CMTM7: variants seen among roughly 807,000 people sequenced by gnomAD.
CMTM7 encodes the protein CKLF-like MARVEL transmembrane domain-containing protein 7.
A neutral mutation model predicts 19.3 loss-of-function variants in CMTM7; 7 were observed. That is an observed-to-expected ratio of 0.36 (90% CI 0.21 to 0.68). The LOEUF (loss-of-function observed/expected upper bound fraction) is 0.68, where lower values mean the gene tolerates loss of function less well. Ranked by LOEUF, CMTM7 falls within the 30% of genes least tolerant of loss-of-function variation. CMTM7 has a pLI of 0.60. For synonymous variants in CMTM7, 87 were observed against 99.3 expected (o/e 0.88, Z 0.74); for missense variants, 193 against 232.6 (o/e 0.83, Z 1.11).
At chr3:32,443,337 T>G (rs1295791359) in intron 2 of CMTM7, among the ~76,000 whole-genome samples, 1 of 152,010 alleles carries the variant, frequency 6.6e-6, no homozygotes, top group African/African-American at 2.4e-5. Flanking sequence ...CTCCTGGCCT[T>G]AAGCAATCCT....
chr3:32,392,741 A>G (rs1289751410), intron 1 of CMTM7, among the ~76,000 whole-genome samples: 1 of 152,076 alleles, frequency 6.6e-6, no homozygotes, highest in Non-Finnish European at 1.5e-5. Context: ...GTACTCATGT[A>G]GGGGAGCCAG....
intron 1 of CMTM7, among the ~76,000 whole-genome samples, chr3:32,399,617 G>C (rs904878163): frequency 6.6e-6 from 1 of 152,154 alleles, no homozygotes; most frequent in Admixed American, 6.5e-5. Flanking sequence ...TGTTAGCACA[G>C]AATAGCCCAG....
intron 1 of CMTM7, among the ~76,000 whole-genome samples, chr3:32,434,189 C>A (rs1471098611): frequency 6.6e-6 from 1 of 151,892 alleles, no homozygotes; most frequent in Non-Finnish European, 1.5e-5. Context: ...AGCTCCGTCT[C>A]AAAAAATAAT....
chr3:32,438,270 C>T (rs556273188), intron 1 of CMTM7, among the ~76,000 whole-genome samples: 92 of 152,308 alleles, frequency 6.0e-4, no homozygotes, highest in African/African-American at 2.1e-3. Context: ...TCTTCCACTT[C>T]ACCTTTGCTT....
rs1696794232 is a variant in CMTM7 at position 32,449,225 on chromosome 3, C to T, written c.334-229C>T. ...CAGAAGCTTCCTTTCTCTCTGTCCT[C>T]TTCCCTTCCTGCCTGCCCGGCATCA... On this transcript the variant is annotated intron_variant, in intron 2 of 4. Transcript: ENST00000334983. The surrounding 1 kb of genome is among the most constrained non-coding windows in gnomAD (Gnocchi z 4.5). Among the ~76,000 whole-genome samples the T allele has an allele frequency of 6.6e-6, 1 of 152,212 alleles. No homozygotes were observed.
At chr3:32,401,927 C>T (rs1444435393) in intron 1 of CMTM7, among the ~76,000 whole-genome samples, 1 of 152,188 alleles carries the variant, frequency 6.6e-6, no homozygotes, top group African/African-American at 2.4e-5. Context: ...GCGGAAATCG[C>T]GAGCAGAGCC....
intron 1 of CMTM7, among the ~76,000 whole-genome samples, chr3:32,409,132 G>A (rs565739945): frequency 2.1e-3 from 315 of 152,122 alleles, no homozygotes; most frequent in African/African-American, 7.3e-3. Flanking sequence ...ACGCCCGCCT[G>A]GGCCTCCCAA....
At chr3:32,442,895 G>T (rs1018585185) in intron 2 of CMTM7, among the ~76,000 whole-genome samples, 9 of 152,104 alleles carry the variant, frequency 5.9e-5, no homozygotes, top group Non-Finnish European at 1.2e-4. Context: ...ATTTCAGAAA[G>T]AAATTCCATA....
intron 1 of CMTM7, among the ~76,000 whole-genome samples, chr3:32,421,135 G>A (rs1235575945): frequency 1.3e-5 from 2 of 151,970 alleles, no homozygotes; most frequent in Admixed American, 1.3e-4. Context: ...TGCCTTGCTA[G>A]AACTGACACA....
rs1172234945 is a variant in CMTM7, at chr3:32,416,391, T to C, written c.159+24326T>C. ...TTTTTTTTTTTTTTTTTTTTTTTTT[T>C]TTTTTTGAGACGGAGTCTCGCTCTG... On this transcript the variant is annotated intron_variant, in intron 1 of 4. Transcript: ENST00000334983. Among the ~76,000 whole-genome samples, 250 of 96,258 alleles carry C rather than the reference T, an allele frequency of 2.6e-3. 2 individuals are homozygous for C. Among genetic ancestry groups the C allele is most frequent in the South Asian group, 0.012 (28 of 2,408 alleles). 63.1% of individuals were successfully genotyped at this position (96,258 alleles called of 152,430 possible). A position where few individuals can be genotyped will look rare whatever the true frequency, so the allele number is the denominator to read the frequency against.
At chr3:32,405,314 C>G (rs1026973171) in intron 1 of CMTM7, among the ~76,000 whole-genome samples, 1 of 152,206 alleles carries the variant, frequency 6.6e-6, no homozygotes, top group African/African-American at 2.4e-5. Context: ...GTCACAAAAG[C>G]CTTTTTATCC....
chr3:32,445,960 A>T (rs576743493), intron 2 of CMTM7, among the ~76,000 whole-genome samples: 1 of 152,248 alleles, frequency 6.6e-6, no homozygotes, highest in African/African-American at 2.4e-5. Flanking sequence ...TAAAAGAGAT[A>T]TTGGTCTGTA....
chr3:32,416,371 T>G (rs13097549), intron 1 of CMTM7, among the ~76,000 whole-genome samples: 1 of 57,624 alleles, frequency 1.7e-5, no homozygotes, highest in African/African-American at 6.8e-5. Context: ...ATTTTTTTTT[T>G]TTTTTTTTTT....
chr3:32,401,849 G>A (rs1020112311), intron 1 of CMTM7, among the ~76,000 whole-genome samples: 3 of 152,238 alleles, frequency 2.0e-5, no homozygotes, highest in African/African-American at 7.2e-5. Context: ...GCCGGCAGCA[G>A]CCCGGGGGCT....
chr3:32,427,703 G>A (rs543461585), intron 1 of CMTM7, among the ~76,000 whole-genome samples: 1 of 152,320 alleles, frequency 6.6e-6, no homozygotes, highest in South Asian at 2.1e-4. Context: ...ATCTGATCTA[G>A]AAGCAGGAGT....
chr3:32,440,874 T>C (rs1302751242), intron 1 of CMTM7, among the ~76,000 whole-genome samples: 1 of 152,208 alleles, frequency 6.6e-6, no homozygotes, highest in Non-Finnish European at 1.5e-5. Flanking sequence ...CTACATGGAG[T>C]AGACAGGTTT....
chr3:32,430,986 G>C (rs1242105761), intron 1 of CMTM7, among the ~76,000 whole-genome samples: 1 of 152,172 alleles, frequency 6.6e-6, no homozygotes, highest in Non-Finnish European at 1.5e-5. Context: ...TATCTATGGA[G>C]AACCAATATA....
chr3:32,417,509 T>C (rs1183565090), intron 1 of CMTM7, among the ~76,000 whole-genome samples: 1 of 152,274 alleles, frequency 6.6e-6, no homozygotes, highest in Non-Finnish European at 1.5e-5. Flanking sequence ...ATGAAGTTGC[T>C]ATAAACATTC....
At chr3:32,404,165 T>TTTTC (rs1696056371) in intron 1 of CMTM7, among the ~76,000 whole-genome samples, 4 of 115,856 alleles carry the variant, frequency 3.5e-5, no homozygotes, top group African/African-American at 1.1e-4. Context: ...TTTTTTTCTT[T>TTTTC]TTTTTTTTTT....
Sources: allele counts gnomAD v4.1 joint callset (sites outside exome capture counted in the v4.1 genomes callset), GRCh38; gene constraint gnomAD v4.1.1; non-coding constraint Gnocchi (gnomAD v3.1); transcripts MANE v1.5; gene names NCBI Gene and HGNC (gene_info 2026-07-23, HGNC 2026-07-21).